Variants in LPIN2 observed in about 807,000 individuals in gnomAD.
LPIN2 encodes the protein lipin 2.
A neutral mutation model predicts 111.4 loss-of-function variants in LPIN2; 55 were observed. The observed-to-expected ratio is 0.49, with a 90% confidence interval of 0.40 to 0.62. LPIN2 has a LOEUF of 0.62. Ranked by LOEUF, LPIN2 falls within the 20% of genes least tolerant of loss-of-function variation. The pLI, the probability that LPIN2 is intolerant of heterozygous loss-of-function variation, is 0.00. For synonymous variants in LPIN2, 425 were observed against 414.0 expected, an observed-to-expected ratio of 1.03 and a Z score of -0.32; for missense variants, 992 against 1,112.1, an observed-to-expected ratio of 0.89 and a Z score of 1.54.
At chr18:2,980,724 C>T (rs1206964599) in intron 1 of LPIN2, among the ~76,000 whole-genome samples, 8 of 152,222 alleles carry the variant, frequency 5.3e-5, no homozygotes, top group Admixed American at 4.6e-4. Context: ...GATCAAGTCT[C>T]GCTTCCGCTG....
At chr18:2,924,671 G>C (rs977591993) in intron 14 of LPIN2, 125 bp from the exon 15 acceptor site, 1 of 941,130 alleles carries the variant, frequency 1.1e-6, no homozygotes, top group Non-Finnish European at 1.7e-6. Flanking sequence ...CGGGGTCTTA[G>C]ACACAGCCCA....
At chr18:2,934,179 T>C (rs1431415220) in intron 8 of LPIN2, among the ~76,000 whole-genome samples, 172 bp downstream of exon 8, 1 of 152,226 alleles carries the variant, frequency 6.6e-6, no homozygotes, top group Admixed American at 6.5e-5. Flanking sequence ...TTCAAGTCAC[T>C]ATATTGAAAT....
At chr18:2,969,698 G>A (rs1257877917) in intron 1 of LPIN2, among the ~76,000 whole-genome samples, 2 of 152,084 alleles carry the variant, frequency 1.3e-5, no homozygotes, top group Non-Finnish European at 2.9e-5. Flanking sequence ...GGGAAAGGGG[G>A]ATAAAAACAA....
rs150648432 is a variant in LPIN2, at chr18:2,937,901, G to A, written c.959C>T (p.Thr320Ile). Residue 320 changes from threonine to isoleucine, a missense_variant, in exon 7 of 20, where the codon ACT becomes ATT. Thr to Ile is a moderately conservative substitution (Grantham distance 89). This residue lies in a region of LPIN2 where 709 missense variants were observed against 753.2 expected (regional missense o/e 0.94). Coordinates refer to ENST00000677752, the MANE Select transcript of LPIN2 (RefSeq NM_001375808.2). ...TTTGGGCTTCACTATGGTACAGACA[G>A]TGTCTTCCATGGAAGCATCCTTCTC... ...EVEKDASMED[T>I]VCTIVKPKPR... is the part of the protein sequence containing the mutation. 14 of 1,614,044 alleles carry A rather than the reference G, an allele frequency of 8.7e-6. No homozygotes were observed. In the African/African-American group the frequency reaches 1.1e-4, roughly 12 times the overall value.
At chr18:2,950,974 T>A (rs2077526399) in intron 4 of LPIN2, 81 bp downstream of exon 4, 6 of 1,435,730 alleles carry the variant, frequency 4.2e-6, no homozygotes, top group South Asian at 3.4e-5. Flanking sequence ...ACACTGTGTA[T>A]CCATAAAAAA....
chr18:2,939,063 G>C (rs952870807), intron 6 of LPIN2, among the ~76,000 whole-genome samples: 3 of 152,160 alleles, frequency 2.0e-5, no homozygotes, highest in Admixed American at 2.0e-4. Context: ...TGAAAGTCTG[G>C]TGTGGGAGAA....
In LPIN2 at chr18:2,919,368, A is replaced by G. The variant is rs894381815; in HGVS notation, c.*925T>C. 9.2e-5 allele frequency: 14 copies of G among 152,254 alleles called. No individual in the cohort carries two copies. The highest frequency in any genetic ancestry group is 3.4e-4 in the African/African-American group (14 of 41,440). 9.4% of individuals were successfully genotyped at this position (152,254 alleles called of 1,614,324 possible). A position where few individuals can be genotyped will look rare whatever the true frequency, so the allele number is the denominator to read the frequency against. On this transcript the variant is annotated 3_prime_UTR_variant, in exon 20 of 20. Coordinates refer to ENST00000677752, the MANE Select transcript of LPIN2 (RefSeq NM_001375808.2). ...TGCTTCCCTGACAAATCTGAATCACAGAATTTTAGAAATCCTGTCCCAAGG... is the reference window on the plus strand; with the variant it reads ...TGCTTCCCTGACAAATCTGAATCACGGAATTTTAGAAATCCTGTCCCAAGG...
rs1045588210 is a variant in LPIN2, at chr18:2,919,532, CTGTTT to C, written c.*756_*760del. On this transcript the variant is annotated 3_prime_UTR_variant, in exon 20 of 20. Coordinates refer to ENST00000677752, the MANE Select transcript of LPIN2 (RefSeq NM_001375808.2). ...TGTTGGGGGCGGGGCGGGGTTTGGT[CTGTTT>C]TAAGACCCACCTTCCCACTTTTATT... 1 of 152,328 alleles carries C rather than the reference CTGTTT, an allele frequency of 6.6e-6. No individual in the cohort carries two copies. Among genetic ancestry groups the C allele is most frequent in the African/African-American group, 2.4e-5 (1 of 41,450 alleles). 9.4% of individuals were successfully genotyped at this position (152,328 alleles called of 1,614,324 possible).
chr18:2,924,850 T>C (rs997529836), intron 14 of LPIN2, among the ~76,000 whole-genome samples: 6 of 152,238 alleles, frequency 3.9e-5, no homozygotes, highest in African/African-American at 1.4e-4. Flanking sequence ...GCAAGACCTT[T>C]TCATACCGAA....
At chr18:2,989,564 AAAT>A (rs1468912860) in intron 1 of LPIN2, among the ~76,000 whole-genome samples, 8 of 152,194 alleles carry the variant, frequency 5.3e-5, no homozygotes, top group African/African-American at 1.9e-4. Context: ...TGACTAGCCA[AAAT>A]AATACTGAAA....
At position 2,924,384 on chromosome 18, in the gene LPIN2, A is replaced by G; in HGVS notation, c.2087+14T>C. 1.2e-6 allele frequency: 2 copies of G among 1,614,088 alleles called. No homozygotes were observed. Among genetic ancestry groups the G allele is most frequent in the South Asian group, 2.2e-5 (2 of 91,086 alleles). On this transcript the variant is annotated intron_variant, in intron 15 of 19. Coordinates refer to ENST00000677752, the MANE Select transcript of LPIN2 (RefSeq NM_001375808.2). ...GGGCTGTTCCTTGCCACCCACCTGA[A>G]GGATTGAGCTTACTTGGTTATTGTC...
chr18:2,921,537 G>C lies in LPIN2; in HGVS notation c.2438C>G (p.Pro813Arg), dbSNP rs2077054246. Reference protein sequence around the residue: ...QPFYAAFGNRPNDVYAYTQVG... With the variant: ...QPFYAAFGNRRNDVYAYTQVG... ...CAGAGCCCAGGAGATACTCACATTT[G>C]GACGGTTTCCAAAGGCAGCATAGAA... The change falls in exon 18 of 20, where the codon CCA (proline) becomes CGA (arginine). Residue 813 changes from proline (P) to arginine (R), a missense_variant. Pro to Arg is a moderately radical substitution (Grantham distance 103). Coordinates refer to ENST00000677752, the MANE Select transcript of LPIN2 (RefSeq NM_001375808.2). 1 of 1,610,722 alleles carries C rather than the reference G, an allele frequency of 6.2e-7. No individual in the cohort carries two copies. Among genetic ancestry groups the C allele is most frequent in the Admixed American group, 1.7e-5 (1 of 59,998 alleles).
rs563198732 is a variant in LPIN2, at chr18:2,931,544, G to A, written c.1269-101C>T. ...GGGGCTCAAACCAAATAACACATCC[G>A]CTAAAAAGAACGGATGGACCTACAA... On this transcript the variant is annotated intron_variant, in intron 8 of 19. Coordinates refer to ENST00000677752, the MANE Select transcript of LPIN2 (RefSeq NM_001375808.2). The A allele has an allele frequency of 1.9e-4, 224 of 1,156,676 alleles. 10 individuals carry two copies. In the South Asian group the frequency reaches 2.2e-3, roughly 12 times the overall value. The allele number at this position is 1,156,676 out of a possible 1,614,324, so 71.7% of individuals were successfully genotyped here.
chr18:2,938,350 C>G (rs1044285929), intron 6 of LPIN2, among the ~76,000 whole-genome samples: 1 of 152,090 alleles, frequency 6.6e-6, no homozygotes. Context: ...AGGATGAAAC[C>G]CTGTCTCTAC....
intron 1 of LPIN2, among the ~76,000 whole-genome samples, chr18:2,962,749 G>A (rs897709968): frequency 3.9e-5 from 6 of 151,944 alleles, no homozygotes; most frequent in African/African-American, 1.5e-4. Context: ...GAATTAAACA[G>A]CATCCAAGCA....
chr18:2,933,955 G>A (rs1015221562), intron 8 of LPIN2, among the ~76,000 whole-genome samples: 1 of 152,208 alleles, frequency 6.6e-6, no homozygotes, highest in East Asian at 1.9e-4. Flanking sequence ...AGACTCCCAA[G>A]AAGTGAACAC....
At chr18:2,927,946 T>C (rs2077159660) in intron 11 of LPIN2, 135 bp from the exon 12 acceptor site, 2 of 773,648 alleles carry the variant, frequency 2.6e-6, no homozygotes, top group Admixed American at 1.9e-5. Flanking sequence ...ACCTCCCAGA[T>C]TCCTCTAGCG....
chr18:3,006,243 G>A (rs550834984), intron 1 of LPIN2, among the ~76,000 whole-genome samples: 1 of 152,238 alleles, frequency 6.6e-6, no homozygotes, highest in South Asian at 2.1e-4. Context: ...TAAGTAGAAG[G>A]CATCAGCACC....
chr18:2,927,697 A>C (rs1306572633), intron 12 of LPIN2, 25 bp downstream of exon 12: 1 of 1,610,756 alleles, frequency 6.2e-7, no homozygotes, highest in Non-Finnish European at 8.5e-7. Flanking sequence ...CAGCCCACGG[A>C]AACAATGACC....
Sources: allele counts gnomAD v4.1 joint callset (sites outside exome capture counted in the v4.1 genomes callset), GRCh38; gene constraint gnomAD v4.1.1; regional missense constraint gnomAD v4.1.1; transcripts MANE v1.5; gene names NCBI Gene and HGNC (gene_info 2026-07-23, HGNC 2026-07-21).